Variants in HSD17B4 observed in about 807,000 individuals in gnomAD.
The protein encoded by HSD17B4 is hydroxysteroid 17-beta dehydrogenase 4.
Under a neutral mutation model 101.0 loss-of-function variants are expected in HSD17B4, and 70 were observed. The observed-to-expected ratio is 0.69, with a 90% confidence interval of 0.57 to 0.85. The LOEUF is 0.85. Ranked by LOEUF, HSD17B4 falls within the 40% of genes least tolerant of loss-of-function variation. The pLI is 0.00. For synonymous variants in HSD17B4, 347 were observed against 297.1 expected, an observed-to-expected ratio of 1.17 and a Z score of -1.73; for missense variants, 984 against 892.4, an observed-to-expected ratio of 1.10 and a Z score of -1.31.
intron 17 of HSD17B4, among the ~76,000 whole-genome samples, chr5:119,522,869 A>G (rs1753240594): frequency 6.6e-6 from 1 of 152,068 alleles, no homozygotes; most frequent in Non-Finnish European, 1.5e-5. Flanking sequence ...CAGTGCTGTA[A>G]TCTTCCAGGA....
intron 2 of HSD17B4, among the ~76,000 whole-genome samples, chr5:119,459,506 G>C (rs1172495910): frequency 6.6e-6 from 1 of 152,184 alleles, no homozygotes; most frequent in Non-Finnish European, 1.5e-5. Context: ...AAAGCTCTGT[G>C]TCTTAGTCTG....
chr5:119,501,115 A>G (rs1001803020), intron 13 of HSD17B4, among the ~76,000 whole-genome samples: 1 of 152,146 alleles, frequency 6.6e-6, no homozygotes, highest in Non-Finnish European at 1.5e-5. Context: ...TAGTTACTAT[A>G]TACTCTGAAC....
chr5:119,488,368 A>T (rs1319778274), intron 8 of HSD17B4, among the ~76,000 whole-genome samples: 1 of 152,164 alleles, frequency 6.6e-6, no homozygotes, highest in Non-Finnish European at 1.5e-5. Context: ...GAAGTTGGCT[A>T]AGGGCTACGA....
At chr5:119,536,895 TTTAACCTA>T (rs1485089452) in intron 23 of HSD17B4, among the ~76,000 whole-genome samples, 1 of 152,124 alleles carries the variant, frequency 6.6e-6, no homozygotes, top group Non-Finnish European at 1.5e-5. Context: ...AGAAGGATAT[TTTAACCTA>T]ATAGCCCATG....
chr5:119,517,738 C>G (rs571176039), intron 17 of HSD17B4, among the ~76,000 whole-genome samples: 2 of 151,696 alleles, frequency 1.3e-5, no homozygotes, highest in African/African-American at 4.9e-5. Flanking sequence ...CTGGTGGGGC[C>G]TTGGACAACC....
At chr5:119,491,746 C>T (rs1750128860) in intron 9 of HSD17B4, among the ~76,000 whole-genome samples, 1 of 152,132 alleles carries the variant, frequency 6.6e-6, no homozygotes, top group Non-Finnish European at 1.5e-5. Flanking sequence ...ATGGTAACCA[C>T]ATGAAATATG....
chr5:119,541,471 A>G (rs1224685104), intron 23 of HSD17B4, among the ~76,000 whole-genome samples: 1 of 152,208 alleles, frequency 6.6e-6, no homozygotes, highest in Non-Finnish European at 1.5e-5. Flanking sequence ...ATTGTGTTAT[A>G]TTCTCTAATT....
intron 8 of HSD17B4, among the ~76,000 whole-genome samples, chr5:119,483,368 A>G (rs904497905): frequency 6.6e-6 from 1 of 152,100 alleles, no homozygotes; most frequent in Non-Finnish European, 1.5e-5. Flanking sequence ...TGGTGCTGAT[A>G]AGCAGAGTTG....
intron 17 of HSD17B4, among the ~76,000 whole-genome samples, chr5:119,523,376 C>T (rs150891169): frequency 8.2e-4 from 125 of 151,962 alleles, no homozygotes; most frequent in Non-Finnish European, 1.3e-3. Flanking sequence ...AGAAATGAAA[C>T]GAAACAAGAA....
chr5:119,517,354 C>T (rs982438398), intron 17 of HSD17B4, among the ~76,000 whole-genome samples: 8 of 152,336 alleles, frequency 5.3e-5, no homozygotes, highest in South Asian at 2.1e-4. Flanking sequence ...GGGCAGGGCT[C>T]GGGACCTGCA....
chr5:119,499,676 G>A, intron 13 of HSD17B4, 123 bp downstream of exon 13: 3 of 504,940 alleles, frequency 5.9e-6, no homozygotes, highest in Non-Finnish European at 1.0e-5. Flanking sequence ...TATTTATAGT[G>A]GTTAGTTTAG....
At chr5:119,458,443 A>G (rs1033096439) in intron 2 of HSD17B4, among the ~76,000 whole-genome samples, 1 of 151,474 alleles carries the variant, frequency 6.6e-6, no homozygotes, top group African/African-American at 2.4e-5. Context: ...TCCGGGTTCA[A>G]GCAGTTCTCT....
chr5:119,458,460 GCCTCCCAA>G (rs1754894244), intron 2 of HSD17B4, among the ~76,000 whole-genome samples: 1 of 150,598 alleles, frequency 6.6e-6, no homozygotes, highest in Non-Finnish European at 1.5e-5. Context: ...CTCTGCCTTA[GCCTCCCAA>G]GTAGCTGGGA....
At chr5:119,454,362 G>A (rs1457043866) in intron 1 of HSD17B4, among the ~76,000 whole-genome samples, 1 of 151,256 alleles carries the variant, frequency 6.6e-6, no homozygotes, top group Non-Finnish European at 1.5e-5. Flanking sequence ...CTGGAGTGCA[G>A]TGACCCGATC....
intron 11 of HSD17B4, among the ~76,000 whole-genome samples, chr5:119,495,450 G>A (rs1750550271): frequency 6.6e-6 from 1 of 152,112 alleles, no homozygotes; most frequent in South Asian, 2.1e-4. Context: ...ACAGATGATG[G>A]AACTAAATCC....
intron 17 of HSD17B4, among the ~76,000 whole-genome samples, chr5:119,521,312 A>G (rs1356061191): frequency 6.6e-6 from 1 of 152,018 alleles, no homozygotes; most frequent in Non-Finnish European, 1.5e-5. Flanking sequence ...CCTCAAGATT[A>G]TTTTCGTTTT....
At chr5:119,475,389 G>T in intron 4 of HSD17B4, among the ~76,000 whole-genome samples, 1 of 151,994 alleles carries the variant, frequency 6.6e-6, no homozygotes. Flanking sequence ...AATGGCTTAT[G>T]GTTCTGATTC....
At chr5:119,519,615 T>A (rs1210052362) in intron 17 of HSD17B4, among the ~76,000 whole-genome samples, 1 of 152,188 alleles carries the variant, frequency 6.6e-6, no homozygotes, top group Non-Finnish European at 1.5e-5. Flanking sequence ...GAACTGCTGA[T>A]CAGCCCATGT....
chr5:119,464,129 A>C (rs1312740208), intron 2 of HSD17B4, among the ~76,000 whole-genome samples: 1 of 152,198 alleles, frequency 6.6e-6, no homozygotes, highest in East Asian at 1.9e-4. Context: ...ATTTTCTCCC[A>C]TTCTGCAAGT....
Sources: allele counts gnomAD v4.1 joint callset (sites outside exome capture counted in the v4.1 genomes callset), GRCh38; gene constraint gnomAD v4.1.1; transcripts MANE v1.5; gene names NCBI Gene and HGNC (gene_info 2026-07-23, HGNC 2026-07-21).